NFATC1: variants seen among roughly 807,000 people sequenced by gnomAD.
The protein encoded by NFATC1 is nuclear factor of activated T-cells, cytoplasmic 1.
NFATC1 carries 22 observed loss-of-function variants against 76.0 expected under a neutral mutation model. The observed-to-expected ratio is 0.29, with a 90% CI of 0.21 to 0.41. NFATC1 has a LOEUF of 0.41. Ranked by LOEUF, NFATC1 falls within the 10% of genes least tolerant of loss-of-function variation. The pLI is 1.00. For synonymous variants in NFATC1, 704 were observed against 613.1 expected (o/e 1.15, Z -2.19); for missense variants, 1,357 against 1,337.7 (o/e 1.01, Z -0.23).
chr18:79,444,391 A>G (rs1380514765), intron 3 of NFATC1, among the ~76,000 whole-genome samples: 1 of 152,180 alleles, frequency 6.6e-6, no homozygotes, highest in Non-Finnish European at 1.5e-5. Context: ...GAACCAGGAC[A>G]AGAGGTGTGC....
chr18:79,508,215 A>T (rs2090161018), intron 9 of NFATC1, among the ~76,000 whole-genome samples: 1 of 150,076 alleles, frequency 6.7e-6, no homozygotes, highest in Admixed American at 6.7e-5. Context: ...CTGGAGAAAA[A>T]AGGTGGAGGG....
At chr18:79,435,267 G>C (rs1294387392) in intron 3 of NFATC1, among the ~76,000 whole-genome samples, 1 of 152,098 alleles carries the variant, frequency 6.6e-6, no homozygotes, top group African/African-American at 2.4e-5. Context: ...TGTAGGAATC[G>C]AGGCTGTTAC....
In NFATC1 at chr18:79,411,077, T is replaced by C. The variant is rs2085657752; in HGVS notation, c.802T>C (p.Tyr268His). Reference protein sequence around the residue: ...RPASPCNKRKYSLNGRQPPYS... With the variant: ...RPASPCNKRKHSLNGRQPPYS... ...CGCGTCCCCTTGCAACAAGAGGAAG[T>C]ACAGCCTCAACGGCCGGCAGCCGCC... The change falls in exon 2 of 10, where the codon TAC (tyrosine) becomes CAC (histidine). Residue 268 changes from tyrosine to histidine, a missense_variant. By Grantham distance (83) the Tyr-to-His change is moderately conservative (BLOSUM62 2). Around this residue, in one of 3 missense-constraint regions of NFATC1, gnomAD observed 691 missense variants for 613.1 expected, o/e 1.13. Transcript: ENST00000427363. 1 of 1,611,896 alleles carries C rather than the reference T, an allele frequency of 6.2e-7. No individual in the cohort carries two copies. Among genetic ancestry groups the C allele is most frequent in the East Asian group, 2.2e-5 (1 of 44,834 alleles).
intron 8 of NFATC1, among the ~76,000 whole-genome samples, chr18:79,483,885 TG>T (rs1185689038): frequency 2.2e-5 from 3 of 138,752 alleles, no homozygotes. Context: ...ACGTGGTTCC[TG>T]GGGTGTCACT....
intron 9 of NFATC1, among the ~76,000 whole-genome samples, chr18:79,509,885 C>T (rs1209966990): frequency 6.6e-6 from 1 of 152,208 alleles, no homozygotes; most frequent in South Asian, 2.1e-4. Context: ...CAAGACTTAT[C>T]GGAAAGTGTC....
intron 1 of NFATC1, among the ~76,000 whole-genome samples, chr18:79,399,992 A>G (rs1310970918): frequency 6.6e-6 from 1 of 151,622 alleles, no homozygotes; most frequent in Admixed American, 6.6e-5. Context: ...TAAAAAAAAA[A>G]TTCCGTCGCC....
At position 79,451,780 on chromosome 18, in the gene NFATC1, C is replaced by T; in HGVS notation, c.1867C>T (p.Gln623Ter). 6.2e-7 allele frequency: 1 copy of T among 1,612,918 alleles called. No homozygotes were observed. The highest frequency in any genetic ancestry group is 8.5e-7 in the Non-Finnish European group (1 of 1,179,504). The change falls in exon 6 of 10, where the codon CAG (glutamine) becomes TAG (stop). Residue 623 changes from glutamine (Q) to a stop codon, truncating the protein, a stop_gained. Coordinates refer to ENST00000427363, the MANE Select transcript of NFATC1 (RefSeq NM_001278669.2). LOFTEE classifies it high-confidence loss of function. ...KMVLSGHNFL[Q>*]DSKVIFVEKA... is the part of the protein sequence containing the mutation. Reference sequence around the variant, plus strand: ...GGTCCTGTCTGGCCACAACTTCCTGCAGGACTCCAAGGTCATTTTCGTGGA... The same window carrying T: ...GGTCCTGTCTGGCCACAACTTCCTGTAGGACTCCAAGGTCATTTTCGTGGA...
Position 79,493,169 on chromosome 18 carries a change from T to C in NFATC1, c.2782+6232T>C, listed in dbSNP as rs532311422. Among the ~76,000 whole-genome samples the C allele has an allele frequency of 4.6e-5, 7 of 152,360 alleles. No individual in the cohort carries two copies. In the East Asian group the frequency reaches 9.6e-4, roughly 21 times the overall value. On this transcript the variant is annotated intron_variant, in intron 9 of 9. Coordinates refer to ENST00000427363, the MANE Select transcript of NFATC1 (RefSeq NM_001278669.2). ...ACAGAGCTCCGTGTGGCTCCTTTTC[T>C]AATGTGATCTCCACGCATTCCGCAT...
rs544335329 is a variant in NFATC1 at position 79,451,883 on chromosome 18, G to A, written c.1903+67G>A. 130 of 1,548,444 alleles carry A rather than the reference G, an allele frequency of 8.4e-5. No individual in the cohort carries two copies. The African/African-American group carries it at 1.2e-3, about 15-fold the overall frequency. On this transcript the variant is annotated intron_variant, in intron 6 of 9. Transcript: ENST00000427363. ...CGCTGGTGGGAACCGGTTCCCAGTC[G>A]GTGGAGCAGGACCCACCTGTGCACG...
At chr18:79,405,874 A>C (rs1297710929) in intron 1 of NFATC1, among the ~76,000 whole-genome samples, 2 of 152,016 alleles carry the variant, frequency 1.3e-5, no homozygotes, top group African/African-American at 4.8e-5. Context: ...GGGCCTCTGC[A>C]TGCACTTCCT....
At chr18:79,402,967 T>C (rs1470758123) in intron 1 of NFATC1, among the ~76,000 whole-genome samples, 1 of 152,222 alleles carries the variant, frequency 6.6e-6, no homozygotes. Context: ...CAAACTGGGT[T>C]TTATAGATTA....
chr18:79,466,212 G>A (rs868437852), intron 7 of NFATC1, among the ~76,000 whole-genome samples: 14 of 152,344 alleles, frequency 9.2e-5, no homozygotes, highest in South Asian at 4.1e-4. Flanking sequence ...ACACTCTTAA[G>A]ATTTCATTGT....
chr18:79,419,789 G>A (rs1350973979), intron 2 of NFATC1, among the ~76,000 whole-genome samples: 1 of 152,234 alleles, frequency 6.6e-6, no homozygotes, highest in Non-Finnish European at 1.5e-5. Context: ...GGGCCTGGTG[G>A]TAGGTGCTTC....
chr18:79,526,783 G>C (rs1382670424), intron 9 of NFATC1, among the ~76,000 whole-genome samples: 1 of 152,250 alleles, frequency 6.6e-6, no homozygotes, highest in African/African-American at 2.4e-5. Context: ...AAGCCGCCCT[G>C]AGACAGGCCG....
At chr18:79,397,262 G>A (rs549314391) in intron 1 of NFATC1, among the ~76,000 whole-genome samples, 67 of 152,346 alleles carry the variant, frequency 4.4e-4, no homozygotes, top group African/African-American at 1.4e-3. Context: ...GAAATTGGAA[G>A]ACGCTTTTCC....
At chr18:79,479,232 C>T (rs1380554744) in intron 8 of NFATC1, among the ~76,000 whole-genome samples, 1 of 152,394 alleles carries the variant, frequency 6.6e-6, no homozygotes, top group Non-Finnish European at 1.5e-5. Flanking sequence ...CCTTTCGCCA[C>T]CTCTACCCCA....
At chr18:79,473,065 A>G (rs1213025835) in intron 8 of NFATC1, among the ~76,000 whole-genome samples, 1 of 152,214 alleles carries the variant, frequency 6.6e-6, no homozygotes, top group Non-Finnish European at 1.5e-5. Flanking sequence ...GTTTCAGCCC[A>G]GCTCTGCCGC....
chr18:79,490,623 T>A (rs1416919349), intron 9 of NFATC1, among the ~76,000 whole-genome samples: 1 of 152,166 alleles, frequency 6.6e-6, no homozygotes, highest in Non-Finnish European at 1.5e-5. Context: ...AAATGTTTAT[T>A]GCTCTGTCGG....
intron 7 of NFATC1, among the ~76,000 whole-genome samples, chr18:79,464,702 A>ATATATATATATATT (rs1425452711): frequency 2.9e-5 from 2 of 69,310 alleles, no homozygotes; most frequent in Non-Finnish European, 5.7e-5. Flanking sequence ...ATATTTATTT[A>ATATATATATATATT]TTTATTTATT....
Sources: allele counts gnomAD v4.1 joint callset (sites outside exome capture counted in the v4.1 genomes callset), GRCh38; gene constraint gnomAD v4.1.1; regional missense constraint gnomAD v4.1.1; transcripts MANE v1.5; gene names NCBI Gene and HGNC (gene_info 2026-07-23, HGNC 2026-07-21).